FAF1: variants seen among roughly 807,000 people sequenced by gnomAD.
FAF1 encodes the protein Fas associated factor 1.
In FAF1, 25 loss-of-function variants were observed where a neutral mutation model predicts 92.5. The observed-to-expected ratio is 0.27, with a 90% CI of 0.20 to 0.38. FAF1 has a LOEUF of 0.38. Among genes scored for constraint, FAF1 ranks in the 10% least tolerant of loss-of-function variants. FAF1 has a pLI of 1.00. For missense variants in FAF1, 636 were observed against 793.3 expected (o/e 0.80, Z 2.38); for synonymous variants, 234 against 273.2 (o/e 0.86, Z 1.42).
At chr1:50,697,985 C>T (rs1657306412) in intron 7 of FAF1, among the ~76,000 whole-genome samples, 1 of 152,058 alleles carries the variant, frequency 6.6e-6, no homozygotes, top group Non-Finnish European at 1.5e-5. Context: ...TTACCATAAC[C>T]AGATATTTGA....
intron 8 of FAF1, among the ~76,000 whole-genome samples, chr1:50,608,943 T>C (rs1652562490): frequency 6.6e-6 from 1 of 152,048 alleles, no homozygotes; most frequent in Non-Finnish European, 1.5e-5. Context: ...TTCAAGAGTA[T>C]GTGTATCTGA....
chr1:50,921,250 A>G (rs929526219), intron 1 of FAF1, among the ~76,000 whole-genome samples: 2 of 152,174 alleles, frequency 1.3e-5, no homozygotes, highest in Non-Finnish European at 2.9e-5. Flanking sequence ...GCAGTAGCCA[A>G]CACCCCCAGA....
chr1:50,891,657 A>C (rs1039540302), intron 1 of FAF1, among the ~76,000 whole-genome samples: 15 of 152,202 alleles, frequency 9.9e-5, no homozygotes, highest in Admixed American at 6.5e-4. Context: ...TCAGCAGCAG[A>C]GGCTGCAGAA....
chr1:50,938,584 T>C (rs1308643256), intron 1 of FAF1, among the ~76,000 whole-genome samples: 1 of 152,248 alleles, frequency 6.6e-6, no homozygotes, highest in Non-Finnish European at 1.5e-5. Context: ...AGTTTAATCA[T>C]GTCCCACTTG....
At chr1:50,579,892 G>C (rs1194812719) in intron 12 of FAF1, among the ~76,000 whole-genome samples, 1 of 152,134 alleles carries the variant, frequency 6.6e-6, no homozygotes, top group East Asian at 1.9e-4. Flanking sequence ...GGGATGACTG[G>C]TGAAGTTTGT....
intron 15 of FAF1, among the ~76,000 whole-genome samples, chr1:50,532,952 C>G (rs1260834393): frequency 2.6e-5 from 4 of 152,188 alleles, no homozygotes; most frequent in African/African-American, 9.7e-5. Context: ...GCTAGGACTA[C>G]AGGCATGCAC....
intron 9 of FAF1, among the ~76,000 whole-genome samples, chr1:50,588,002 G>A (rs552195823): frequency 6.6e-5 from 10 of 152,284 alleles, no homozygotes; most frequent in Non-Finnish European, 1.5e-4. Context: ...AACTAGGTAT[G>A]TCAGCCAGGC....
In FAF1 at chr1:50,841,747, A is replaced by G. The variant is rs1644257980; in HGVS notation, c.114+16182T>C. Reference sequence around the variant, plus strand: ...ATAATTGTAAAAAATAAAAAGCCAGATAGTAAAATTTTTTTTAAGTTATTA... The same window carrying G: ...ATAATTGTAAAAAATAAAAAGCCAGGTAGTAAAATTTTTTTTAAGTTATTA... On this transcript the variant is annotated intron_variant, in intron 2 of 18. Transcript: ENST00000396153. Among the ~76,000 whole-genome samples the G allele has an allele frequency of 2.0e-5, 3 of 152,028 alleles. No individual in the cohort carries two copies. In the South Asian group the frequency reaches 6.2e-4, roughly 31 times the overall value.
intron 8 of FAF1, among the ~76,000 whole-genome samples, chr1:50,648,654 C>T (rs940778419): frequency 3.9e-5 from 6 of 152,090 alleles, no homozygotes; most frequent in Non-Finnish European, 7.4e-5. Context: ...TGGCTGGGCG[C>T]GGTGGCTCAT....
chr1:50,828,382 C>A (rs1262995666), intron 2 of FAF1, among the ~76,000 whole-genome samples: 1 of 151,974 alleles, frequency 6.6e-6, no homozygotes, highest in Non-Finnish European at 1.5e-5. Context: ...CATTCTCCTG[C>A]CTCAGCCTCC....
At chr1:50,484,943 C>T (rs1243407893) in intron 17 of FAF1, among the ~76,000 whole-genome samples, 2 of 101,118 alleles carry the variant, frequency 2.0e-5, no homozygotes, top group African/African-American at 8.1e-5. Context: ...CATCACACAC[C>T]GGGGCCTGTC....
At chr1:50,543,603 T>C (rs1648859382) in intron 13 of FAF1, among the ~76,000 whole-genome samples, 1 of 152,202 alleles carries the variant, frequency 6.6e-6, no homozygotes, top group African/African-American at 2.4e-5. Context: ...TATTTTACTA[T>C]TATTAAATGC....
At chr1:50,462,080 T>TATAC (rs780848326) in intron 18 of FAF1, 25 of 149,016 alleles carry the variant, frequency 1.7e-4, no homozygotes, top group Non-Finnish European at 3.3e-4. Flanking sequence ...TATATATATA[T>TATAC]ATACACACAC....
intron 1 of FAF1, among the ~76,000 whole-genome samples, chr1:50,864,735 C>A (rs989699016): frequency 6.6e-6 from 1 of 152,104 alleles, no homozygotes; most frequent in Admixed American, 6.6e-5. Flanking sequence ...ACCATAAAAA[C>A]CCTAGAAGAA....
At chr1:50,927,666 T>C (rs950362370) in intron 1 of FAF1, among the ~76,000 whole-genome samples, 8 of 152,252 alleles carry the variant, frequency 5.3e-5, no homozygotes, top group African/African-American at 1.7e-4. Flanking sequence ...GGTAATTGAA[T>C]GGAAGAAGGA....
At chr1:50,496,247 A>G (rs2149012448) in intron 15 of FAF1, among the ~76,000 whole-genome samples, 1 of 152,284 alleles carries the variant, frequency 6.6e-6, no homozygotes, top group African/African-American at 2.4e-5. Context: ...TGGAATGAAT[A>G]CCCTGCTCCT....
chr1:50,951,531 A>G (rs1645214231), intron 1 of FAF1, among the ~76,000 whole-genome samples: 1 of 152,242 alleles, frequency 6.6e-6, no homozygotes, highest in Non-Finnish European at 1.5e-5. Context: ...AGATCACCAG[A>G]AGAGTCAGTG....
chr1:50,506,402 C>T (rs1647058758), intron 15 of FAF1, among the ~76,000 whole-genome samples: 1 of 152,126 alleles, frequency 6.6e-6, no homozygotes, highest in Admixed American at 6.5e-5. Flanking sequence ...TGACTCTCTG[C>T]CTTTGTCCAT....
intron 7 of FAF1, among the ~76,000 whole-genome samples, chr1:50,690,347 T>C (rs749302251): frequency 6.6e-6 from 1 of 152,168 alleles, no homozygotes; most frequent in Non-Finnish European, 1.5e-5. Context: ...GGCTCACACC[T>C]GTAATTCCAG....
Sources: gnomAD v4.1 joint callset for allele counts (sites outside exome capture counted in the v4.1 genomes callset) on GRCh38, gnomAD v4.1.1 for gene constraint, MANE v1.5 for transcripts, NCBI Gene and HGNC (gene_info 2026-07-23, HGNC 2026-07-21) for gene names.